Variants in SAFB2 observed in about 807,000 individuals in gnomAD.
SAFB2 encodes the protein scaffold attachment factor B2.
In SAFB2, 32 loss-of-function variants were observed where a neutral mutation model predicts 100.6. The ratio of observed to expected loss-of-function variants is 0.32; its 90% CI spans 0.24 to 0.43. The LOEUF (loss-of-function observed/expected upper bound fraction) is 0.43. Among genes scored for constraint, SAFB2 ranks in the 20% least tolerant of loss-of-function variants. SAFB2 has a pLI of 1.00. For synonymous variants in SAFB2, 500 were observed against 439.4 expected (o/e 1.14, Z -1.72); for missense variants, 1,185 against 1,163.4 (o/e 1.02, Z -0.27).
intron 17 of SAFB2, among the ~76,000 whole-genome samples, chr19:5,591,016 C>T (rs981096180): frequency 3.9e-5 from 6 of 152,186 alleles, no homozygotes; most frequent in African/African-American, 1.4e-4. Context: ...TTCAGCCCCC[C>T]GTGCCCACCA....
chr19:5,588,276 G>A lies in SAFB2; in HGVS notation c.2526-296C>T, dbSNP rs544666744. 3.4e-4 allele frequency among the ~76,000 whole-genome samples: 51 copies of A among 152,214 alleles called. 2 individuals carry two copies. In the South Asian group the frequency reaches 7.1e-3, roughly 21 times the overall value. On this transcript the variant is annotated intron_variant, in intron 18 of 20. Transcript: ENST00000252542. ...TAACACACACCGTGGAGGGTGCGAGGAAAGGGAAGAACCCTTGTCCACTGC... is the reference window on the plus strand; with the variant it reads ...TAACACACACCGTGGAGGGTGCGAGAAAAGGGAAGAACCCTTGTCCACTGC...
Position 5,616,478 on chromosome 19 carries a change from T to C in SAFB2, c.283A>G (p.Met95Val). ...TTATCTTCTGTGCCTTCCTCCTCCA[T>C]CTTCAGTCCTAATTACAGAATAATT... ...SAKRCVKGLKMEEEGTEDNGL... is the reference protein window; with the variant it reads ...SAKRCVKGLKVEEEGTEDNGL... The change falls in exon 3 of 21, where the codon ATG becomes GTG. Residue 95 changes from methionine (M) to valine (V), a missense_variant. Coordinates refer to ENST00000252542, the MANE Select transcript of SAFB2 (RefSeq NM_014649.3). 2 of 1,613,748 alleles carry C rather than the reference T, an allele frequency of 1.2e-6. No homozygotes were observed. The highest frequency in any genetic ancestry group is 8.5e-7 in the Non-Finnish European group (1 of 1,179,760).
rs764699953 is a variant in SAFB2, at chr19:5,595,395, G to A, written c.1885C>T (p.Arg629Trp). 16 of 1,612,420 alleles carry A rather than the reference G, an allele frequency of 9.9e-6. No homozygotes were observed. The highest frequency in any genetic ancestry group is 2.2e-5 in the East Asian group (1 of 44,866). ...TCCGTTTCGCGGATCTCCCGTTCCC[G>A]CTGCCTCTGGCGCTCTCTCTCCCTT... ...EQRERERQRQ[R>W]EREIRETERR... The change falls in exon 14 of 21, where the codon CGG becomes TGG. Residue 629 changes from arginine to tryptophan, a missense_variant. Transcript: ENST00000252542.
intron 2 of SAFB2, 26 bp downstream of exon 2, chr19:5,621,283 A>G (rs747491405): frequency 8.2e-6 from 12 of 1,465,504 alleles, no homozygotes; most frequent in Non-Finnish European, 1.1e-5. Context: ...TGAACACTCA[A>G]GCCCCAAGCA....
In SAFB2 at chr19:5,587,692, A is replaced by G; in HGVS notation, c.2705+9T>C. The G allele has an allele frequency of 1.3e-6, 2 of 1,543,134 alleles. No individual in the cohort carries two copies. Among genetic ancestry groups the G allele is most frequent in the Non-Finnish European group, 8.7e-7 (1 of 1,143,806 alleles). ...TGAACCACCGTCCTCCACGGACGAC[A>G]CACCTTACCCCGCCACTCCACCGCG... On this transcript the variant is annotated intron_variant, in intron 20 of 20. Coordinates refer to ENST00000252542, the MANE Select transcript of SAFB2 (RefSeq NM_014649.3). The surrounding 1 kb of genome is among the most constrained non-coding windows in gnomAD (Gnocchi z 4.9).
chr19:5,590,205 TGCCTGGCCAGGC>T, intron 18 of SAFB2, 61 bp downstream of exon 18: 1 of 1,337,258 alleles, frequency 7.5e-7, no homozygotes, highest in Non-Finnish European at 9.9e-7. Flanking sequence ...CTTGGGGACG[TGCCTGGCCAGGC>T]ACCAACCTTT....
chr19:5,592,283 G>GA (rs1438541157), intron 16 of SAFB2, among the ~76,000 whole-genome samples: 1 of 152,156 alleles, frequency 6.6e-6, no homozygotes, highest in African/African-American at 2.4e-5. Context: ...TCTTACACTG[G>GA]AAAACCAAGG....
chr19:5,588,377 A>G (rs1300750673), intron 18 of SAFB2, among the ~76,000 whole-genome samples: 1 of 152,220 alleles, frequency 6.6e-6, no homozygotes, highest in African/African-American at 2.4e-5. Context: ...CAGAATTACC[A>G]TGACCCAGCA....
intron 14 of SAFB2, 91 bp from the exon 15 acceptor site, chr19:5,594,269 GA>G (rs879537907): frequency 9.2e-4 from 1,167 of 1,273,818 alleles, no homozygotes; most frequent in South Asian, 1.5e-3. Context: ...ATTGGAAGCA[GA>G]AAAAAAAAAT....
At chr19:5,612,455 A>G (rs1185814984) in intron 6 of SAFB2, 85 bp downstream of exon 6, 2 of 1,278,508 alleles carry the variant, frequency 1.6e-6, no homozygotes, top group African/African-American at 2.9e-5. Context: ...TTACAAGATC[A>G]TAACACAGCT....
chr19:5,587,227 T>G lies in SAFB2; in HGVS notation c.*16A>C, dbSNP rs750244832. 6.2e-7 allele frequency: 1 copy of G among 1,608,916 alleles called. No homozygotes were observed. Among genetic ancestry groups the G allele is most frequent in the South Asian group, 1.1e-5 (1 of 90,964 alleles). The stretch of plus-strand genomic sequence containing the variant: ...ACAGTGCGTCTGCCCACCCGAAAAC[T>G]CGCAGCGAGTGGGACTTAGTAGCGG... On this transcript the variant is annotated 3_prime_UTR_variant, in exon 21 of 21. Coordinates refer to ENST00000252542, the MANE Select transcript of SAFB2 (RefSeq NM_014649.3). This position sits in a 1 kb window ranked among gnomAD's most constrained non-coding sequence, Gnocchi z 4.9.
chr19:5,594,219 G>A (rs765195033), intron 14 of SAFB2, 41 bp from the exon 15 acceptor site: 2 of 1,513,448 alleles, frequency 1.3e-6, no homozygotes, highest in South Asian at 1.3e-5. Flanking sequence ...CCCTGCGTGA[G>A]CCTCCAAGGA....
chr19:5,589,258 A>T (rs779606512), intron 18 of SAFB2, among the ~76,000 whole-genome samples: 7 of 152,200 alleles, frequency 4.6e-5, no homozygotes, highest in African/African-American at 7.2e-5. Flanking sequence ...GCGACAGGAC[A>T]GGAATGCTAA....
At position 5,604,607 on chromosome 19, in the gene SAFB2, T is replaced by A. The variant is rs756737672; in HGVS notation, c.1535A>T (p.His512Leu). 2.5e-6 allele frequency: 4 copies of A among 1,613,924 alleles called. No individual in the cohort carries two copies. The Admixed American group carries it at 6.7e-5, about 27-fold the overall frequency. ...KEKLSSVDRH[H>L]SVEIKIEKTV... is the part of the protein sequence containing the mutation. ...CTTTTCAATTTTGATCTCCACAGAA[T>A]GATGTCTGTCGACACTCGATAATTT... The change falls in exon 11 of 21, where the codon CAT (histidine) becomes CTT (leucine). Residue 512 changes from histidine to leucine, a missense_variant. His to Leu is a moderately conservative substitution (Grantham distance 99, BLOSUM62 -3). This residue lies in a region of SAFB2 where 740 missense variants were observed against 687.1 expected (regional missense o/e 1.08). Transcript: ENST00000252542.
chr19:5,615,542 T>TAA (rs771629182), intron 4 of SAFB2, among the ~76,000 whole-genome samples: 1 of 143,660 alleles, frequency 7.0e-6, no homozygotes, highest in Non-Finnish European at 1.5e-5. Context: ...ATCCCGCCTC[T>TAA]AAAAAAAAAA....
chr19:5,610,588 C>A (rs755079378), intron 8 of SAFB2, 51 bp downstream of exon 8: 1 of 1,389,556 alleles, frequency 7.2e-7, no homozygotes, highest in Non-Finnish European at 1.0e-6. Context: ...CCCCTCCTCC[C>A]AAAATAAGGG....
rs1243424694 is a variant in SAFB2, at chr19:5,594,159, G to T, written c.1939C>A (p.Arg647=). The change falls in exon 15 of 21, where the codon CGG becomes AGG. Residue 647 remains arginine (R), a synonymous_variant. Transcript: ENST00000252542. ...TGGAAGGCCTCGAGGCGTTGCTCCC[G>T]CTCCCGCTGCTCGCGCTCCCTGCGG... ...ERRREREQRE[R]EQRLEAFHER... 6.3e-7 allele frequency: 1 copy of T among 1,596,724 alleles called. No individual in the cohort carries two copies. Among genetic ancestry groups the T allele is most frequent in the Non-Finnish European group, 8.5e-7 (1 of 1,177,220 alleles).
In SAFB2 at chr19:5,613,503, T is replaced by C. The variant is rs1429609479; in HGVS notation, c.568A>G (p.Thr190Ala). The part of the protein sequence containing the change: ...HAVDGEGFKN[T>A]LETSSLNFKV... ...AAGTTCAACGATGAAGTTTCCAAAG[T>C]GTTCTTAAATCCTTCCCCATCCACC... Residue 190 changes from threonine (T) to alanine (A), a missense_variant, in exon 5 of 21, where the codon ACT (threonine) becomes GCT (alanine). Coordinates refer to ENST00000252542, the MANE Select transcript of SAFB2 (RefSeq NM_014649.3). 2.5e-6 allele frequency: 4 copies of C among 1,613,972 alleles called. No homozygotes were observed. The highest frequency in any genetic ancestry group is 3.4e-6 in the Non-Finnish European group (4 of 1,179,964).
chr19:5,620,064 G>T (rs182121814), intron 2 of SAFB2, among the ~76,000 whole-genome samples: 45 of 152,284 alleles, frequency 3.0e-4, no homozygotes, highest in African/African-American at 1.1e-3. Context: ...GCGTAGACCA[G>T]TCTCTCACAT....
Sources: allele counts gnomAD v4.1 joint callset (sites outside exome capture counted in the v4.1 genomes callset), GRCh38; gene constraint gnomAD v4.1.1; regional missense constraint gnomAD v4.1.1; non-coding constraint Gnocchi (gnomAD v3.1); transcripts MANE v1.5; gene names NCBI Gene and HGNC (gene_info 2026-07-23, HGNC 2026-07-21).